The following RFX7 variants were observed in gnomAD, a reference collection of about 807,000 sequenced individuals.
RFX7 encodes the protein regulatory factor X7.
In RFX7, 26 loss-of-function variants were observed where a neutral mutation model predicts 111.8. That is an observed-to-expected ratio of 0.23 (90% CI 0.17 to 0.32). The LOEUF (loss-of-function observed/expected upper bound fraction) is 0.32. RFX7 is among the 10% of genes least tolerant of loss of function. The pLI, the probability that RFX7 is intolerant of heterozygous loss-of-function variation, is 1.00. For missense variants in RFX7, 1,573 were observed against 1,772.9 expected (o/e 0.89, Z 2.02); for synonymous variants, 624 against 624.4 (o/e 1.00, Z 0.01).
At chr15:56,123,836 C>A (rs2042107928) in intron 5 of RFX7, among the ~76,000 whole-genome samples, 1 of 152,174 alleles carries the variant, frequency 6.6e-6, no homozygotes, top group Non-Finnish European at 1.5e-5. Context: ...GTTGGCGGCA[C>A]TGAGTTCCAA....
chr15:56,131,803 TAAC>T (rs1342091555), intron 5 of RFX7, among the ~76,000 whole-genome samples: 38 of 152,156 alleles, frequency 2.5e-4, no homozygotes, highest in African/African-American at 8.7e-4. Context: ...TTAAATGTAA[TAAC>T]AAAGTAAAGA....
chr15:56,165,317 C>A (rs183418628), intron 3 of RFX7, among the ~76,000 whole-genome samples: 12 of 152,282 alleles, frequency 7.9e-5, no homozygotes, highest in African/African-American at 2.9e-4. Context: ...AAGTTTTTTA[C>A]TATATTCCCC....
At chr15:56,143,051 T>A (rs1458407304) in intron 4 of RFX7, among the ~76,000 whole-genome samples, 151 bp from the exon 5 acceptor site, 6 of 152,142 alleles carry the variant, frequency 3.9e-5, no homozygotes, top group African/African-American at 9.7e-5. Flanking sequence ...ATTGTCCACC[T>A]ATGGTTGTGA....
chr15:56,243,278 T>C lies in RFX7; in HGVS notation c.8A>G (p.Glu3Gly). The change falls in exon 2 of 10, where the codon GAG (glutamate) becomes GGG (glycine). Residue 3 changes from glutamate (E) to glycine (G), a missense_variant. This residue lies in a region of RFX7 where 191 missense variants were observed against 194.2 expected (regional missense o/e 0.98). Coordinates refer to ENST00000559447, the MANE Select transcript of RFX7 (RefSeq NM_022841.7). MA[E>G]EQQQPPPQQP... is the part of the protein sequence containing the mutation. ...CTGTGGTGGCGGCTGTTGTTGTTCC[T>C]CTGCCATCGCTGCAGAGGGGTGGGA... The C allele has an allele frequency of 9.9e-7, 1 of 1,010,138 alleles. No homozygotes were observed. Among genetic ancestry groups the C allele is most frequent in the Non-Finnish European group, 1.3e-6 (1 of 753,624 alleles). 62.6% of individuals were successfully genotyped at this position (1,010,138 alleles called of 1,614,324 possible).
intron 2 of RFX7, among the ~76,000 whole-genome samples, chr15:56,211,110 G>C (rs1332625486): frequency 6.6e-6 from 1 of 152,062 alleles, no homozygotes; most frequent in Admixed American, 6.6e-5. Flanking sequence ...GGCTATAGCT[G>C]TTAAAGAAAA....
At chr15:56,224,108 T>C (rs2043455613) in intron 2 of RFX7, among the ~76,000 whole-genome samples, 1 of 151,976 alleles carries the variant, frequency 6.6e-6, no homozygotes, top group Admixed American at 6.6e-5. Flanking sequence ...AAATAAGATG[T>C]GGTGGGCCAT....
At chr15:56,239,984 C>CTTTT (rs5812831) in intron 2 of RFX7, among the ~76,000 whole-genome samples, 6 of 120,920 alleles carry the variant, frequency 5.0e-5, no homozygotes, top group Non-Finnish European at 6.8e-5. Flanking sequence ...TTTGGTATTT[C>CTTTT]TTTTTTTTTT....
chr15:56,225,935 T>C (rs997135820), intron 2 of RFX7, among the ~76,000 whole-genome samples: 1 of 152,128 alleles, frequency 6.6e-6, no homozygotes, highest in Non-Finnish European at 1.5e-5. Context: ...AATACTTTTA[T>C]AAATTATATG....
At chr15:56,156,086 C>T (rs1472852117) in intron 3 of RFX7, among the ~76,000 whole-genome samples, 1 of 152,028 alleles carries the variant, frequency 6.6e-6, no homozygotes, top group Non-Finnish European at 1.5e-5. Flanking sequence ...CCGTACGTAG[C>T]ATTTACTCAG....
chr15:56,220,300 G>A (rs1401949910), intron 2 of RFX7, among the ~76,000 whole-genome samples: 4 of 151,994 alleles, frequency 2.6e-5, no homozygotes, highest in Admixed American at 1.3e-4. Flanking sequence ...GCGTGATCTC[G>A]GCTCACTGCA....
chr15:56,131,214 A>G (rs1223170220), intron 5 of RFX7, among the ~76,000 whole-genome samples: 3 of 151,934 alleles, frequency 2.0e-5, no homozygotes, highest in Non-Finnish European at 4.4e-5. Flanking sequence ...CTACAAGATA[A>G]CACGTCTTGA....
chr15:56,176,119 T>C (rs952066317), intron 3 of RFX7, among the ~76,000 whole-genome samples: 16 of 152,062 alleles, frequency 1.1e-4, no homozygotes, highest in African/African-American at 2.9e-4. Flanking sequence ...GAAATCTTAA[T>C]AGAGAAACTA....
chr15:56,164,095 T>G (rs190086608), intron 3 of RFX7, among the ~76,000 whole-genome samples: 26 of 152,370 alleles, frequency 1.7e-4, no homozygotes, highest in African/African-American at 5.8e-4. Context: ...TAGGTTCAAC[T>G]GCTGTCATGC....
intron 5 of RFX7, among the ~76,000 whole-genome samples, chr15:56,137,688 T>C (rs34756325): frequency 0.41 from 61,822 of 150,700 alleles, 12,678 homozygotes; most frequent in African/African-American, 0.42. Context: ...GCATTTCTAG[T>C]TCTTTTAATT....
chr15:56,140,273 A>G (rs1260645630), intron 5 of RFX7, among the ~76,000 whole-genome samples: 2 of 152,078 alleles, frequency 1.3e-5, no homozygotes, highest in Admixed American at 6.5e-5. Context: ...GTGAGACTCC[A>G]TGGGCGTAGG....
intron 2 of RFX7, among the ~76,000 whole-genome samples, chr15:56,237,643 A>G (rs1229532054): frequency 6.6e-6 from 1 of 152,246 alleles, no homozygotes; most frequent in Non-Finnish European, 1.5e-5. Flanking sequence ...TCAGTCCTGC[A>G]CATACCATCA....
chr15:56,148,821 C>A (rs1396503188), intron 3 of RFX7, among the ~76,000 whole-genome samples: 3 of 152,232 alleles, frequency 2.0e-5, no homozygotes, highest in Middle Eastern at 6.8e-3. Flanking sequence ...GTGGCTCAAG[C>A]CTGTAATCCC....
chr15:56,139,082 C>T (rs1465123294), intron 5 of RFX7, among the ~76,000 whole-genome samples: 5 of 152,008 alleles, frequency 3.3e-5, no homozygotes, highest in African/African-American at 7.2e-5. Context: ...GTGAATCTGA[C>T]AATTATGTGT....
rs1413324469 is a variant in RFX7 at position 56,093,414 on chromosome 15, A to G, written c.4314T>C (p.Asn1438=). The change falls in exon 10 of 10, where the codon AAT becomes AAC. Residue 1438 remains asparagine, a synonymous_variant. Transcript: ENST00000559447. ...LFQQICSESM[N]SMTSSGFEWI... is the part of the protein sequence containing the mutation. Reference sequence around the variant, plus strand: ...ATTCAAAACCTGATGAAGTCATAGAATTCATGGATTCACTGCAAATTTGTT... The same window carrying G: ...ATTCAAAACCTGATGAAGTCATAGAGTTCATGGATTCACTGCAAATTTGTT... 6.2e-7 allele frequency: 1 copy of G among 1,613,394 alleles called. No individual in the cohort carries two copies. Among genetic ancestry groups the G allele is most frequent in the Non-Finnish European group, 8.5e-7 (1 of 1,179,564 alleles).
Sources: allele counts gnomAD v4.1 joint callset (sites outside exome capture counted in the v4.1 genomes callset), GRCh38; gene constraint gnomAD v4.1.1; regional missense constraint gnomAD v4.1.1; transcripts MANE v1.5; gene names NCBI Gene and HGNC (gene_info 2026-07-23, HGNC 2026-07-21).